The following FGD4 variants were observed in gnomAD, a reference collection of about 807,000 sequenced individuals.
FGD4 encodes FYVE, RhoGEF and PH domain-containing protein 4.
A neutral mutation model predicts 102.0 loss-of-function variants in FGD4; 42 were observed. The observed-to-expected ratio is 0.41, with a 90% CI of 0.32 to 0.53. The LOEUF is 0.53. Ranked by LOEUF, FGD4 falls within the 20% of genes least tolerant of loss-of-function variation. The pLI is 0.21. For missense variants in FGD4, 902 were observed against 1,078.2 expected (o/e 0.84, Z 2.29); for synonymous variants, 380 against 375.7 (o/e 1.01, Z -0.13).
intron 1 of FGD4, among the ~76,000 whole-genome samples, chr12:32,448,841 G>A (rs1942695267): frequency 6.6e-6 from 1 of 152,076 alleles, no homozygotes; most frequent in Admixed American, 6.6e-5. Context: ...TAAAACTGGG[G>A]AAAACCAGAA....
intron 1 of FGD4, among the ~76,000 whole-genome samples, chr12:32,427,277 T>C (rs1379706905): frequency 6.6e-6 from 1 of 152,234 alleles, no homozygotes; most frequent in Non-Finnish European, 1.5e-5. Flanking sequence ...TTTGTTCTCA[T>C]GGGTTTCAAA....
At chr12:32,629,712 G>C (rs1950387876) in intron 14 of FGD4, among the ~76,000 whole-genome samples, 1 of 151,948 alleles carries the variant, frequency 6.6e-6, no homozygotes, top group Non-Finnish European at 1.5e-5. Context: ...CAAATCTGCT[G>C]TTTTGTTCAT....
At chr12:32,569,822 A>G (rs997859524) in intron 2 of FGD4, among the ~76,000 whole-genome samples, 10 of 152,206 alleles carry the variant, frequency 6.6e-5, no homozygotes, top group Admixed American at 2.0e-4. Context: ...GAGGTATAAG[A>G]ATTGTTCTAG....
At chr12:32,564,030 AGGGGG>A (rs1944962980) in intron 1 of FGD4, 102 bp from the exon 2 acceptor site, 1 of 823,226 alleles carries the variant, frequency 1.2e-6, no homozygotes, top group East Asian at 3.4e-5. Context: ...AGGGAGAGGG[AGGGGG>A]AGGGGGAGGG....
chr12:32,603,059 A>G (rs1435148523), intron 7 of FGD4, among the ~76,000 whole-genome samples: 3 of 152,218 alleles, frequency 2.0e-5, no homozygotes, highest in Admixed American at 2.0e-4. Context: ...TGTAAAATGT[A>G]GACACTTTGT....
At chr12:32,404,224 A>G in intron 1 of FGD4, among the ~76,000 whole-genome samples, 1 of 147,616 alleles carries the variant, frequency 6.8e-6, no homozygotes, top group Non-Finnish European at 1.5e-5. Flanking sequence ...GACTTTTCAC[A>G]TTATTTACTT....
rs150202423 is a variant in FGD4 at position 32,611,489 on chromosome 12, A to T, written c.1749+206A>T. 0.014 allele frequency among the ~76,000 whole-genome samples: 2,133 copies of T among 152,158 alleles called. 34 individuals carry two copies. Among genetic ancestry groups the T allele is most frequent in the Non-Finnish European group, 0.015 (1,050 of 67,970 alleles). Reference sequence around the variant, plus strand: ...CCTGTAATCCCAACTACTCAAGAGGATGAGGCAGGAGAATTGCTTGAACCT... The same window carrying T: ...CCTGTAATCCCAACTACTCAAGAGGTTGAGGCAGGAGAATTGCTTGAACCT... On this transcript the variant is annotated intron_variant, in intron 10 of 16. Transcript: ENST00000534526.
At chr12:32,433,383 C>G (rs972804269) in intron 1 of FGD4, among the ~76,000 whole-genome samples, 6 of 151,982 alleles carry the variant, frequency 3.9e-5, no homozygotes, top group African/African-American at 7.3e-5. Context: ...GAGTCTTGCT[C>G]TTTCACCCAG....
At chr12:32,435,612 AT>A (rs559931639) in intron 1 of FGD4, among the ~76,000 whole-genome samples, 2 of 150,760 alleles carry the variant, frequency 1.3e-5, no homozygotes, top group South Asian at 2.1e-4. Flanking sequence ...AATTTTGTTG[AT>A]TTTTTTGGTG....
At chr12:32,594,023 A>T (rs1265005237) in intron 4 of FGD4, among the ~76,000 whole-genome samples, 2 of 152,212 alleles carry the variant, frequency 1.3e-5, no homozygotes, top group Non-Finnish European at 2.9e-5. Flanking sequence ...GAGGGGGTTG[A>T]TTACAAAGGG....
intron 1 of FGD4, among the ~76,000 whole-genome samples, chr12:32,462,104 G>A (rs1317925790): frequency 2.0e-5 from 3 of 152,200 alleles, no homozygotes; most frequent in Non-Finnish European, 2.9e-5. Flanking sequence ...TTTATAGCAA[G>A]TAAACACTGT....
intron 13 of FGD4, among the ~76,000 whole-genome samples, chr12:32,625,374 A>G (rs1208600560): frequency 2.0e-5 from 3 of 147,518 alleles, no homozygotes; most frequent in Non-Finnish European, 4.4e-5. Flanking sequence ...GGTTCAAGCG[A>G]TTTTCCTGCC....
chr12:32,626,398 CGCACCATTGCACTCCAGCCCGGGCA>C (rs1204226884), intron 14 of FGD4, among the ~76,000 whole-genome samples: 3 of 147,000 alleles, frequency 2.0e-5, no homozygotes, highest in Admixed American at 1.4e-4. Context: ...GAGCTGAGAT[CGCACCATTGCACTCCAGCCCGGGCA>C]GCAAGAGTGA....
intron 10 of FGD4, 103 bp from the exon 11 acceptor site, chr12:32,619,595 A>T: frequency 7.7e-7 from 1 of 1,302,552 alleles, no homozygotes; most frequent in Non-Finnish European, 1.1e-6. Flanking sequence ...TCACACTATT[A>T]CACTCCAGCC....
chr12:32,596,806 A>G (rs1443283586), intron 4 of FGD4, among the ~76,000 whole-genome samples: 4 of 151,934 alleles, frequency 2.6e-5, no homozygotes, highest in East Asian at 1.9e-4. Context: ...GTCGTGGTGC[A>G]TGCCTGTAAT....
chr12:32,613,464 A>G (rs1488188726), intron 10 of FGD4, among the ~76,000 whole-genome samples: 1 of 152,222 alleles, frequency 6.6e-6, no homozygotes, highest in Non-Finnish European at 1.5e-5. Context: ...ATAAGACATC[A>G]GTTTGAGGCC....
chr12:32,430,733 A>G (rs1212110284), intron 1 of FGD4, among the ~76,000 whole-genome samples: 2 of 152,200 alleles, frequency 1.3e-5, no homozygotes, highest in Non-Finnish European at 2.9e-5. Context: ...CACTCTTTTA[A>G]CATCTTAGTA....
chr12:32,475,230 G>C (rs1432199425), intron 1 of FGD4, among the ~76,000 whole-genome samples: 2 of 151,984 alleles, frequency 1.3e-5, no homozygotes, highest in Admixed American at 6.6e-5. Flanking sequence ...GTCCGAGTAG[G>C]GTGCTAGTAT....
chr12:32,470,745 C>G (rs934164386), intron 1 of FGD4, among the ~76,000 whole-genome samples: 5 of 152,118 alleles, frequency 3.3e-5, no homozygotes. Flanking sequence ...TGAGCCGCTG[C>G]GCCCGGCCTG....
Sources: gnomAD v4.1 joint callset for allele counts (sites outside exome capture counted in the v4.1 genomes callset) on GRCh38, gnomAD v4.1.1 for gene constraint, MANE v1.5 for transcripts, NCBI Gene and HGNC (gene_info 2026-07-23, HGNC 2026-07-21) for gene names.